Variants in CTH observed in about 807,000 individuals in gnomAD.
The protein encoded by CTH is cystathionine gamma-lyase.
A neutral mutation model predicts 50.6 loss-of-function variants in CTH; 41 were observed. The observed-to-expected ratio is 0.81, with a 90% CI of 0.63 to 1.05. The LOEUF (loss-of-function observed/expected upper bound fraction) is 1.05. Among genes scored for constraint, CTH ranks in the 50% least tolerant of loss-of-function variants. The probability of loss-of-function intolerance (pLI) is 0.00; values close to 1 mark genes in which losing one functional copy is unlikely to be tolerated. For missense variants in CTH, 470 were observed against 492.6 expected (o/e 0.95, Z 0.43); for synonymous variants, 156 against 168.9 (o/e 0.92, Z 0.59).
rs572141812 is a variant in CTH at position 70,432,362 on chromosome 1, G to T, written c.877+127G>T. On this transcript the variant is annotated intron_variant, in intron 8 of 11. Transcript: ENST00000370938. The stretch of plus-strand genomic sequence containing the variant: ...ATTGTTTTTGTTCATTTATTATTGA[G>T]CACTGCCATGTGTCAGGCTCTGTGG... The T allele has an allele frequency of 2.2e-5, 25 of 1,122,636 alleles. 1 individual carries two copies. The South Asian group carries it at 2.9e-4, about 13-fold the overall frequency. The allele number at this position is 1,122,636 out of a possible 1,614,324, so 69.5% of individuals were successfully genotyped here. A position where few individuals can be genotyped will look rare whatever the true frequency, so the allele number is the denominator to read the frequency against.
chr1:70,436,889 A>T (rs1023838779), intron 10 of CTH, among the ~76,000 whole-genome samples: 1 of 152,186 alleles, frequency 6.6e-6, no homozygotes, highest in Non-Finnish European at 1.5e-5. Flanking sequence ...TGATTTATTT[A>T]GGGATTTTTG....
intron 1 of CTH, among the ~76,000 whole-genome samples, chr1:70,414,884 A>G (rs952964592): frequency 6.6e-6 from 1 of 151,946 alleles, no homozygotes; most frequent in African/African-American, 2.4e-5. Flanking sequence ...CAGTGGCACT[A>G]TCTCGGCTCA....
At chr1:70,418,656 A>G (rs1254968862) in intron 3 of CTH, among the ~76,000 whole-genome samples, 1 of 152,266 alleles carries the variant, frequency 6.6e-6, no homozygotes, top group East Asian at 1.9e-4. Flanking sequence ...TTAGAGAGAC[A>G]GTGTTCTCCT....
rs886046511 is a variant in CTH at position 70,421,600 on chromosome 1, A to T, written c.381A>T (p.Glu127Asp). 1.9e-6 allele frequency: 3 copies of T among 1,613,920 alleles called. No homozygotes were observed. In the Admixed American group the frequency reaches 5.0e-5, roughly 27 times the overall value. ...TNRYFRQVAS[E>D]FGLKISFVDC... ...GGTACTTCAGGCAAGTGGCATCTGA[A>T]TTTGGATTAAAGATTTCTTTTGTTG... Residue 127 changes from glutamate (E) to aspartate (D), a missense_variant, in exon 4 of 12, where the codon GAA (glutamate) becomes GAT (aspartate). Glu to Asp is a conservative substitution (Grantham distance 45, BLOSUM62 2). Coordinates refer to ENST00000370938, the MANE Select transcript of CTH (RefSeq NM_001902.6).
At chr1:70,432,366 T>G in intron 8 of CTH, 131 bp downstream of exon 8, 1 of 1,098,188 alleles carries the variant, frequency 9.1e-7, no homozygotes, top group African/African-American at 1.6e-5. Context: ...TATTGAGCAC[T>G]GCCATGTGTC....
chr1:70,417,982 A>G lies in CTH; in HGVS notation c.296A>G (p.His99Arg). 1 of 1,614,168 alleles carries G rather than the reference A, an allele frequency of 6.2e-7. No homozygotes were observed. The highest frequency in any genetic ancestry group is 8.5e-7 in the Non-Finnish European group (1 of 1,180,006). The change falls in exon 3 of 12, where the codon CAT (histidine) becomes CGT (arginine). Residue 99 changes from histidine to arginine, a missense_variant. Transcript: ENST00000370938. Reference protein sequence around the residue: ...SGLAATVTITHLLKAGDQIIC... With the variant: ...SGLAATVTITRLLKAGDQIIC... Reference sequence around the variant, plus strand: ...TTAGCAGCCACTGTAACTATTACCCATCTTTTAAAAGCAGGAGACCAAATT... The same window carrying G: ...TTAGCAGCCACTGTAACTATTACCCGTCTTTTAAAAGCAGGAGACCAAATT...
At chr1:70,438,952 A>G in intron 11 of CTH, 126 bp downstream of exon 11, 1 of 1,584,906 alleles carries the variant, frequency 6.3e-7, no homozygotes, top group Non-Finnish European at 8.6e-7. Flanking sequence ...TGTTCCTGTA[A>G]TAGACCAGGT....
At chr1:70,415,518 T>A (rs924545017) in intron 1 of CTH, among the ~76,000 whole-genome samples, 1 of 152,134 alleles carries the variant, frequency 6.6e-6, no homozygotes, top group Admixed American at 6.5e-5. Context: ...GTTTCCAGAT[T>A]AATGAAAAAA....
Position 70,439,461 on chromosome 1 carries a change from T to A in CTH, c.*334T>A, listed in dbSNP as rs886046513. 1.8e-4 allele frequency: 43 copies of A among 236,548 alleles called. No homozygotes were observed. The highest frequency in any genetic ancestry group is 5.8e-5 in the Non-Finnish European group (7 of 121,500). The allele number at this position is 236,548 out of a possible 1,614,324, so 14.7% of individuals were successfully genotyped here. ...ATCATGTTTATAATATAATGGTAATTCATTTTTGATGTTTTGTGAAGAATT... is the reference window on the plus strand; with the variant it reads ...ATCATGTTTATAATATAATGGTAATACATTTTTGATGTTTTGTGAAGAATT... On this transcript the variant is annotated 3_prime_UTR_variant, in exon 12 of 12. Coordinates refer to ENST00000370938, the MANE Select transcript of CTH (RefSeq NM_001902.6).
chr1:70,419,234 T>C (rs1326979313), intron 3 of CTH, among the ~76,000 whole-genome samples: 1 of 152,136 alleles, frequency 6.6e-6, no homozygotes, highest in African/African-American at 2.4e-5. Context: ...TGTTGGACAT[T>C]TGGGTTGGTT....
chr1:70,437,287 C>CTAT (rs1684618519), intron 10 of CTH, among the ~76,000 whole-genome samples: 2 of 152,182 alleles, frequency 1.3e-5, no homozygotes. Context: ...CTACTATGAA[C>CTAT]TATTATCTTT....
intron 5 of CTH, among the ~76,000 whole-genome samples, chr1:70,425,104 GAA>G (rs1204464195): frequency 1.3e-5 from 2 of 152,056 alleles, no homozygotes; most frequent in Admixed American, 1.3e-4. Flanking sequence ...TATTCTAAAA[GAA>G]AAGTGATGCT....
chr1:70,412,607 C>T (rs1200535239), intron 1 of CTH, among the ~76,000 whole-genome samples: 1 of 152,144 alleles, frequency 6.6e-6, no homozygotes, highest in African/African-American at 2.4e-5. Flanking sequence ...ACTCAAACAA[C>T]AACAGAAAAA....
chr1:70,437,218 GA>G (rs1404101034), intron 10 of CTH, among the ~76,000 whole-genome samples: 2 of 151,990 alleles, frequency 1.3e-5, no homozygotes, highest in Admixed American at 6.6e-5. Flanking sequence ...AGAACATGGG[GA>G]AAAAAATCCC....
At chr1:70,414,336 A>T (rs1684041747) in intron 1 of CTH, among the ~76,000 whole-genome samples, 1 of 151,718 alleles carries the variant, frequency 6.6e-6, no homozygotes, top group South Asian at 2.1e-4. Context: ...ACGTAGTGAA[A>T]CCCCATCTCT....
At chr1:70,423,158 T>C (rs891705544) in intron 4 of CTH, among the ~76,000 whole-genome samples, 3 of 152,182 alleles carry the variant, frequency 2.0e-5, no homozygotes, top group Non-Finnish European at 4.4e-5. Flanking sequence ...ATAGATTCTT[T>C]AAATAATTCA....
In CTH at chr1:70,432,709, G is replaced by A. The variant is rs562771662; in HGVS notation, c.877+474G>A. On this transcript the variant is annotated intron_variant, in intron 8 of 11. Coordinates refer to ENST00000370938, the MANE Select transcript of CTH (RefSeq NM_001902.6). The stretch of plus-strand genomic sequence containing the variant: ...TTTTTTTTTTTTTTTTTTTTGAGAC[G>A]GAGTTTCACTCTTGCCCAGGCTGGA... Among the ~76,000 whole-genome samples, 43 of 129,610 alleles carry A rather than the reference G, an allele frequency of 3.3e-4. No individual in the cohort carries two copies. In the East Asian group the frequency reaches 9.9e-3, roughly 30 times the overall value. The allele number at this position is 129,610 out of a possible 152,430, so 85.0% of individuals were successfully genotyped here. A position where few individuals can be genotyped will look rare whatever the true frequency, so the allele number is the denominator to read the frequency against.
At chr1:70,423,534 G>A (rs1001192077) in intron 4 of CTH, among the ~76,000 whole-genome samples, 5 of 151,348 alleles carry the variant, frequency 3.3e-5, no homozygotes, top group African/African-American at 1.2e-4. Flanking sequence ...TCATGCCACT[G>A]CACTCTAGCC....
At position 70,424,365 on chromosome 1, in the gene CTH, T is replaced by C. The variant is rs779257798; in HGVS notation, c.537T>C (p.His179=). ...GCTGTGCACATATTGTCCATAAGCATGGAGACATTATTTTGGTCGTGGATA... is the reference window on the plus strand; with the variant it reads ...GCTGTGCACATATTGTCCATAAGCACGGAGACATTATTTTGGTCGTGGATA... The part of the protein sequence containing the change: ...IEGCAHIVHK[H]GDIILVVDNT... Residue 179 remains histidine (H), a synonymous_variant, in exon 5 of 12, where the codon CAT becomes CAC. Transcript: ENST00000370938. 1.9e-6 allele frequency: 3 copies of C among 1,614,166 alleles called. No homozygotes were observed. Among genetic ancestry groups the C allele is most frequent in the South Asian group, 2.2e-5 (2 of 91,080 alleles).
Sources: gnomAD v4.1 joint callset for allele counts (sites outside exome capture counted in the v4.1 genomes callset) on GRCh38, gnomAD v4.1.1 for gene constraint, MANE v1.5 for transcripts, NCBI Gene and HGNC (gene_info 2026-07-23, HGNC 2026-07-21) for gene names.